The following SCMH1 variants were observed in gnomAD, a reference collection of about 807,000 sequenced individuals.
The protein encoded by SCMH1 is Scm polycomb group protein homolog 1, also known as polycomb protein SCMH1.
Under a neutral mutation model 70.8 loss-of-function variants are expected in SCMH1, and 37 were observed. That is an observed-to-expected ratio of 0.52 (90% CI 0.40 to 0.69). SCMH1 has a LOEUF of 0.69. Among genes scored for constraint, SCMH1 ranks in the 30% least tolerant of loss-of-function variants. The pLI, the probability that SCMH1 is intolerant of heterozygous loss-of-function variation, is 0.00. For missense variants in SCMH1, 607 were observed against 827.3 expected (o/e 0.73, Z 3.27); for synonymous variants, 292 against 307.4 (o/e 0.95, Z 0.52).
intron 11 of SCMH1, among the ~76,000 whole-genome samples, chr1:41,047,392 CTTTTTTT>C (rs397861246): frequency 3.6e-5 from 4 of 112,440 alleles, no homozygotes; most frequent in East Asian, 5.6e-4. Context: ...ACTTCCCAGT[CTTTTTTT>C]TTTTTTTTTT....
chr1:41,222,972 T>C (rs1377197348), intron 1 of SCMH1, among the ~76,000 whole-genome samples: 1 of 152,174 alleles, frequency 6.6e-6, no homozygotes, highest in East Asian at 1.9e-4. Flanking sequence ...CTATTTTGTA[T>C]TATAATTTAT....
intron 1 of SCMH1, among the ~76,000 whole-genome samples, chr1:41,237,610 A>C (rs1662649745): frequency 6.6e-6 from 1 of 152,206 alleles, no homozygotes; most frequent in Non-Finnish European, 1.5e-5. Flanking sequence ...TCCTACTATT[A>C]GCTTTTACAA....
chr1:41,100,619 G>GC (rs1666354688), intron 8 of SCMH1, among the ~76,000 whole-genome samples: 1 of 146,546 alleles, frequency 6.8e-6, no homozygotes, highest in Non-Finnish European at 1.5e-5. Context: ...ATGCTGGAGT[G>GC]CAGTGGCACG....
chr1:41,140,441 T>C (rs1643947759), intron 6 of SCMH1, among the ~76,000 whole-genome samples: 1 of 152,104 alleles, frequency 6.6e-6, no homozygotes. Flanking sequence ...TACAGGCACA[T>C]GCCACAACAC....
intron 2 of SCMH1, among the ~76,000 whole-genome samples, chr1:41,171,623 T>A (rs1385135451): frequency 6.6e-6 from 1 of 152,024 alleles, no homozygotes. Context: ...CATAAGCACA[T>A]GAAGCATTCT....
intron 8 of SCMH1, among the ~76,000 whole-genome samples, chr1:41,091,433 T>C (rs1332155004): frequency 1.3e-5 from 2 of 152,210 alleles, no homozygotes; most frequent in Admixed American, 1.3e-4. Flanking sequence ...AATATCATAC[T>C]GAATGAGCAA....
intron 1 of SCMH1, among the ~76,000 whole-genome samples, chr1:41,226,203 T>C (rs1477224973): frequency 6.6e-6 from 1 of 152,220 alleles, no homozygotes; most frequent in Non-Finnish European, 1.5e-5. Flanking sequence ...AAAAATTTCA[T>C]CTTTCTAGTA....
chr1:41,054,620 T>C (rs1010296375), intron 10 of SCMH1, among the ~76,000 whole-genome samples: 6 of 152,158 alleles, frequency 3.9e-5, no homozygotes, highest in African/African-American at 1.4e-4. Context: ...CACAGATTCT[T>C]TGCCTTAAAC....
chr1:41,048,658 C>G (rs1054229714), intron 11 of SCMH1, 32 bp downstream of exon 11: 1 of 1,601,868 alleles, frequency 6.2e-7, no homozygotes, highest in Non-Finnish European at 8.5e-7. Context: ...GTCCTTCTGG[C>G]TGGGAGGCAA....
At chr1:41,134,443 G>A (rs1002463510) in intron 6 of SCMH1, among the ~76,000 whole-genome samples, 3 of 152,128 alleles carry the variant, frequency 2.0e-5, no homozygotes, top group African/African-American at 7.2e-5. Flanking sequence ...GGGCAATCAG[G>A]CAAGAGAAAG....
At chr1:41,074,559 A>G (rs576478408) in intron 9 of SCMH1, among the ~76,000 whole-genome samples, 1 of 152,322 alleles carries the variant, frequency 6.6e-6, no homozygotes, top group Non-Finnish European at 1.5e-5. Context: ...AAAGAAAAAA[A>G]AAACATTTAC....
At chr1:41,037,434 G>A in exon 13 of SCMH1, 1 of 1,614,236 alleles carries the variant, frequency 6.2e-7, no homozygotes, top group Non-Finnish European at 8.5e-7. Context: ...AAGGGCCGGT[G>A]CCTTTGGGAG....
intron 1 of SCMH1, among the ~76,000 whole-genome samples, chr1:41,221,498 A>AC (rs1313786064): frequency 6.6e-6 from 1 of 151,880 alleles, no homozygotes; most frequent in Non-Finnish European, 1.5e-5. Context: ...ACAAAAACAA[A>AC]AAAAAAAGAG....
Position 41,068,798 on chromosome 1 carries a change from A to G in SCMH1, c.1105+1797T>C, listed in dbSNP as rs181378868. On this transcript the variant is annotated intron_variant, in intron 10 of 14. Coordinates refer to ENST00000337495, the Ensembl canonical transcript of SCMH1. ...TTTAGGGTACTGGGAATTAAGAGAAATTTCCAAGAGAATGAAGAGATTTCA... is the reference window on the plus strand; with the variant it reads ...TTTAGGGTACTGGGAATTAAGAGAAGTTTCCAAGAGAATGAAGAGATTTCA... Among the ~76,000 whole-genome samples the G allele has an allele frequency of 8.5e-4, 130 of 152,322 alleles. 1 individual carries two copies. Among genetic ancestry groups the G allele is most frequent in the African/African-American group, 2.7e-3 (113 of 41,582 alleles).
intron 10 of SCMH1, among the ~76,000 whole-genome samples, chr1:41,068,226 A>G (rs937905946): frequency 6.6e-6 from 1 of 152,212 alleles, no homozygotes; most frequent in Non-Finnish European, 1.5e-5. Flanking sequence ...GAAAAACTCA[A>G]TACAAAGTTT....
In SCMH1 at chr1:41,191,751, T is replaced by A. The variant is rs543464523; in HGVS notation, c.-117-5501A>T. Among the ~76,000 whole-genome samples the A allele has an allele frequency of 2.6e-3, 394 of 152,292 alleles. 1 individual carries two copies. Among genetic ancestry groups the A allele is most frequent in the African/African-American group, 9.1e-3 (377 of 41,560 alleles). ...ATGCATACAATATATATGTATTTTT[T>A]TAAAAAAATTGTCCAAAGGGGTAAA... On this transcript the variant is annotated intron_variant, in intron 1 of 14. Transcript: ENST00000337495.
intron 2 of SCMH1, among the ~76,000 whole-genome samples, chr1:41,166,766 T>C (rs967379012): frequency 6.6e-6 from 1 of 152,164 alleles, no homozygotes; most frequent in African/African-American, 2.4e-5. Context: ...ATTTTCAATA[T>C]GTAAGATCAT....
At chr1:41,215,596 A>C (rs1324579894) in intron 1 of SCMH1, among the ~76,000 whole-genome samples, 1 of 152,098 alleles carries the variant, frequency 6.6e-6, no homozygotes, top group African/African-American at 2.4e-5. Context: ...CTATGCACCC[A>C]ACTCATCAAC....
At chr1:41,075,525 C>T in intron 8 of SCMH1, 74 bp from the exon 9 acceptor site, 4 of 1,231,692 alleles carry the variant, frequency 3.2e-6, no homozygotes, top group African/African-American at 1.5e-5. Flanking sequence ...AAAAAAAGGA[C>T]TTGCCACTTC....
Sources: allele counts gnomAD v4.1 joint callset (sites outside exome capture counted in the v4.1 genomes callset), GRCh38; gene constraint gnomAD v4.1.1; transcripts MANE v1.5; gene names NCBI Gene and HGNC (gene_info 2026-07-23, HGNC 2026-07-21).